The following CCSER1 variants were observed in gnomAD, a reference collection of about 807,000 sequenced individuals.
CCSER1 encodes the protein coiled-coil serine rich protein 1.
A neutral mutation model predicts 82.0 loss-of-function variants in CCSER1; 41 were observed. The ratio of observed to expected loss-of-function variants is 0.50; its 90% CI spans 0.39 to 0.65. The LOEUF (loss-of-function observed/expected upper bound fraction) is 0.65, where lower values mean the gene tolerates loss of function less well. Ranked by LOEUF, CCSER1 falls within the 30% of genes least tolerant of loss-of-function variation. The pLI, the probability that CCSER1 is intolerant of heterozygous loss-of-function variation, is 0.00. For synonymous variants in CCSER1, 414 were observed against 383.9 expected (o/e 1.08, Z -0.92); for missense variants, 1,119 against 1,064.2 (o/e 1.05, Z -0.72).
chr4:91,033,071 TTTAA>T (rs767532651), intron 9 of CCSER1, among the ~76,000 whole-genome samples: 31 of 150,578 alleles, frequency 2.1e-4, no homozygotes, highest in African/African-American at 5.6e-4. Flanking sequence ...AAAAAAAAAC[TTTAA>T]TTAAGTAAAT....
At chr4:91,582,026 C>T (rs1237738913) in intron 10 of CCSER1, among the ~76,000 whole-genome samples, 1 of 151,606 alleles carries the variant, frequency 6.6e-6, no homozygotes, top group African/African-American at 2.4e-5. Context: ...TGTATATGCA[C>T]CTCAAGGGCA....
intron 7 of CCSER1, among the ~76,000 whole-genome samples, chr4:90,806,214 A>C (rs1466412962): frequency 6.6e-6 from 1 of 152,216 alleles, no homozygotes; most frequent in East Asian, 1.9e-4. Flanking sequence ...AGACTTTTAT[A>C]AATTGTCTTC....
chr4:90,186,349 C>T (rs1433233462), intron 1 of CCSER1, among the ~76,000 whole-genome samples: 2 of 152,060 alleles, frequency 1.3e-5, no homozygotes, highest in Middle Eastern at 3.4e-3. Context: ...AAATCAGTGG[C>T]ACAGCTGTTT....
At chr4:91,117,523 C>T (rs1291306851) in intron 10 of CCSER1, among the ~76,000 whole-genome samples, 1 of 152,206 alleles carries the variant, frequency 6.6e-6, no homozygotes, top group African/African-American at 2.4e-5. Context: ...AATAGAATTA[C>T]TTTATGTACT....
intron 10 of CCSER1, among the ~76,000 whole-genome samples, chr4:91,413,634 T>G (rs1753194215): frequency 6.6e-6 from 1 of 152,070 alleles, no homozygotes; most frequent in Non-Finnish European, 1.5e-5. Flanking sequence ...GAAAGCTTAT[T>G]TAAAGAAGTA....
intron 10 of CCSER1, among the ~76,000 whole-genome samples, chr4:91,218,309 C>T (rs1454920737): frequency 4.6e-5 from 7 of 152,214 alleles, no homozygotes; most frequent in Non-Finnish European, 1.0e-4. Context: ...CCAGCTGGCC[C>T]GCAAGGGCCG....
At chr4:90,537,361 A>G (rs1357310584) in intron 5 of CCSER1, among the ~76,000 whole-genome samples, 2 of 151,730 alleles carry the variant, frequency 1.3e-5, no homozygotes, top group Admixed American at 6.6e-5. Flanking sequence ...CCTTTCTTCA[A>G]TGAGGCTTTG....
At chr4:90,706,081 A>G (rs957074996) in intron 6 of CCSER1, among the ~76,000 whole-genome samples, 8 of 152,298 alleles carry the variant, frequency 5.3e-5, no homozygotes, top group Non-Finnish European at 8.8e-5. Flanking sequence ...TGGGAGCTGT[A>G]GACTGGAGCT....
chr4:91,124,058 T>C (rs1727304139), intron 10 of CCSER1, among the ~76,000 whole-genome samples: 1 of 151,764 alleles, frequency 6.6e-6, no homozygotes, highest in African/African-American at 2.4e-5. Context: ...TTGTATGTTT[T>C]TTATGACCCC....
intron 10 of CCSER1, among the ~76,000 whole-genome samples, chr4:91,369,945 G>A (rs900171047): frequency 6.6e-6 from 1 of 151,586 alleles, no homozygotes; most frequent in Non-Finnish European, 1.5e-5. Context: ...CTCTCAAAGT[G>A]CTGGGATTAT....
At chr4:91,533,283 A>C (rs1468687074) in intron 10 of CCSER1, among the ~76,000 whole-genome samples, 5 of 152,208 alleles carry the variant, frequency 3.3e-5, no homozygotes, top group Non-Finnish European at 7.4e-5. Flanking sequence ...TGAGTTAAAC[A>C]AATGTCTTCC....
chr4:91,445,149 A>G (rs1217076954), intron 10 of CCSER1, among the ~76,000 whole-genome samples: 2 of 152,192 alleles, frequency 1.3e-5, no homozygotes, highest in African/African-American at 4.8e-5. Flanking sequence ...TTAGAAGATA[A>G]TAACAATCTC....
chr4:90,843,616 A>G (rs1046965271), intron 8 of CCSER1, among the ~76,000 whole-genome samples: 1 of 152,238 alleles, frequency 6.6e-6, no homozygotes, highest in African/African-American at 2.4e-5. Flanking sequence ...ACAACACACA[A>G]CATAAACAGA....
intron 10 of CCSER1, among the ~76,000 whole-genome samples, chr4:91,281,941 G>C (rs1742944374): frequency 6.6e-6 from 1 of 151,964 alleles, no homozygotes; most frequent in South Asian, 2.1e-4. Context: ...TGTGTTTTTA[G>C]TTTGTATTTT....
At chr4:90,830,775 T>G (rs2149820638) in intron 8 of CCSER1, among the ~76,000 whole-genome samples, 1 of 152,272 alleles carries the variant, frequency 6.6e-6, no homozygotes, top group Admixed American at 6.5e-5. Flanking sequence ...ATTGTATAAC[T>G]TTTGTTAATT....
intron 9 of CCSER1, among the ~76,000 whole-genome samples, chr4:90,934,912 CAA>C (rs1730735565): frequency 6.6e-6 from 1 of 151,956 alleles, no homozygotes; most frequent in Non-Finnish European, 1.5e-5. Flanking sequence ...GCCTGGGCAA[CAA>C]GAGTGAAACT....
At chr4:91,539,913 T>A (rs1029042873) in intron 10 of CCSER1, among the ~76,000 whole-genome samples, 1 of 152,092 alleles carries the variant, frequency 6.6e-6, no homozygotes, top group African/African-American at 2.4e-5. Context: ...AGATTGACGA[T>A]GTGCAAAATT....
At chr4:90,627,539 G>T (rs1298783893) in intron 5 of CCSER1, among the ~76,000 whole-genome samples, 1 of 151,736 alleles carries the variant, frequency 6.6e-6, no homozygotes, top group Admixed American at 6.6e-5. Flanking sequence ...TATCATTATT[G>T]GATAGGTCTT....
At chr4:90,871,095 G>A (rs956899771) in intron 8 of CCSER1, among the ~76,000 whole-genome samples, 3 of 147,876 alleles carry the variant, frequency 2.0e-5, no homozygotes, top group African/African-American at 7.4e-5. Flanking sequence ...ACTTTTTAAA[G>A]GTTCATCAAA....
Sources: allele counts gnomAD v4.1 joint callset (sites outside exome capture counted in the v4.1 genomes callset), GRCh38; gene constraint gnomAD v4.1.1; transcripts MANE v1.5; gene names NCBI Gene and HGNC (gene_info 2026-07-23, HGNC 2026-07-21).